The following INVS variants were observed in gnomAD, a reference collection of about 807,000 sequenced individuals.
INVS encodes the protein inversin.
In INVS, 86 loss-of-function variants were observed where a neutral mutation model predicts 108.8. The observed-to-expected ratio is 0.79, with a 90% CI of 0.66 to 0.95. The LOEUF is 0.95. INVS is among the 40% of genes least tolerant of loss of function. The pLI is 0.00. For synonymous variants in INVS, 455 were observed against 473.5 expected (o/e 0.96, Z 0.51); for missense variants, 1,169 against 1,297.4 (o/e 0.90, Z 1.52).
chr9:100,282,257 C>T (rs1276988936), intron 12 of INVS, among the ~76,000 whole-genome samples: 1 of 152,146 alleles, frequency 6.6e-6, no homozygotes, highest in African/African-American at 2.4e-5. Context: ...TGCTTGCATC[C>T]GTATGAATCT....
In INVS at chr9:100,286,316, G is replaced by T. The variant is rs777270764; in HGVS notation, c.2068+1713G>T. Among the ~76,000 whole-genome samples the T allele has an allele frequency of 2.0e-5, 3 of 152,168 alleles. No homozygotes were observed. In the East Asian group the frequency reaches 5.8e-4, roughly 29 times the overall value. On this transcript the variant is annotated intron_variant, in intron 13 of 16. Transcript: ENST00000262457. ...CACCTATAATCCCAACACTTTGGGA[G>T]GCTGGGGCAGGTGGATTACTTGAGG...
intron 10 of INVS, among the ~76,000 whole-genome samples, chr9:100,262,638 T>TAA (rs58650063): frequency 5.3e-4 from 62 of 116,478 alleles, no homozygotes; most frequent in African/African-American, 1.7e-3. Flanking sequence ...CCTGGAGCAC[T>TAA]AAAAAAAAAA....
intron 3 of INVS, among the ~76,000 whole-genome samples, chr9:100,138,389 A>G (rs1828304414): frequency 6.6e-6 from 1 of 152,070 alleles, no homozygotes. Flanking sequence ...TAGGGTGACA[A>G]GAGCGAAATT....
At chr9:100,270,409 G>A (rs1438072534) in intron 11 of INVS, among the ~76,000 whole-genome samples, 3 of 151,994 alleles carry the variant, frequency 2.0e-5, no homozygotes, top group Admixed American at 6.6e-5. Flanking sequence ...TCAGGAGTTC[G>A]AGACCAGCCT....
At chr9:100,261,425 C>G (rs1832619103) in intron 10 of INVS, among the ~76,000 whole-genome samples, 1 of 151,980 alleles carries the variant, frequency 6.6e-6, no homozygotes, top group South Asian at 2.1e-4. Flanking sequence ...GCCACCATGC[C>G]TAGCTAATTT....
chr9:100,296,944 C>A lies in INVS; in HGVS notation c.2814C>A (p.His938Gln). Residue 938 changes from histidine (H) to glutamine (Q), a missense_variant, in exon 15 of 17, where the codon CAC (histidine) becomes CAA (glutamine). His to Gln is a conservative substitution (Grantham distance 24, BLOSUM62 0). Transcript: ENST00000262457. ...RSYQLRKHLS[H>Q]LRHMKQLGAG... ...ACCAGCTCAGGAAGCACCTGTCCCACCTTCGGCATATGAAGCAGCTTGGAG... is the reference window on the plus strand; with the variant it reads ...ACCAGCTCAGGAAGCACCTGTCCCAACTTCGGCATATGAAGCAGCTTGGAG... The A allele has an allele frequency of 6.2e-7, 1 of 1,614,104 alleles. No homozygotes were observed. Among genetic ancestry groups the A allele is most frequent in the South Asian group, 1.1e-5 (1 of 91,076 alleles).
At chr9:100,150,799 A>C (rs1209184753) in intron 3 of INVS, among the ~76,000 whole-genome samples, 3 of 152,136 alleles carry the variant, frequency 2.0e-5, no homozygotes, top group Non-Finnish European at 4.4e-5. Context: ...GACCAATCAT[A>C]GGACCAATAA....
intron 2 of INVS, among the ~76,000 whole-genome samples, chr9:100,125,844 C>G (rs1564123362): frequency 6.6e-6 from 1 of 152,050 alleles, no homozygotes; most frequent in South Asian, 2.1e-4. Flanking sequence ...CGCCACCACG[C>G]CTGGCTAATT....
At chr9:100,222,942 T>C (rs993995007) in intron 3 of INVS, among the ~76,000 whole-genome samples, 8 of 151,888 alleles carry the variant, frequency 5.3e-5, no homozygotes, top group African/African-American at 1.9e-4. Context: ...CAAGTCCAGA[T>C]AAATGATGTA....
chr9:100,228,021 C>T (rs1441765671), intron 4 of INVS, among the ~76,000 whole-genome samples: 1 of 143,216 alleles, frequency 7.0e-6, no homozygotes, highest in Non-Finnish European at 1.5e-5. Context: ...GACAGAGTCT[C>T]ACTCTATCAC....
At chr9:100,110,488 G>T (rs1827308721) in intron 2 of INVS, among the ~76,000 whole-genome samples, 3 of 152,274 alleles carry the variant, frequency 2.0e-5, no homozygotes, top group African/African-American at 4.8e-5. Context: ...AAATAGGAAT[G>T]AGAAAGATAA....
intron 3 of INVS, among the ~76,000 whole-genome samples, chr9:100,181,907 C>T (rs975244537): frequency 1.3e-5 from 2 of 152,040 alleles, no homozygotes; most frequent in African/African-American, 4.8e-5. Context: ...GATTCTGGTA[C>T]CAAAACAGAG....
At chr9:100,101,469 AC>A (rs1826989715) in intron 1 of INVS, 1 of 152,100 alleles carries the variant, frequency 6.6e-6, no homozygotes. Flanking sequence ...AGTTCTTCTG[AC>A]ATGACTGTTA....
chr9:100,193,519 A>G (rs767454075), intron 3 of INVS, among the ~76,000 whole-genome samples: 3 of 152,122 alleles, frequency 2.0e-5, no homozygotes, highest in Non-Finnish European at 2.9e-5. Flanking sequence ...GTGTAATTTG[A>G]TAAGTTGTAC....
chr9:100,220,420 AT>A (rs1008037626), intron 3 of INVS, among the ~76,000 whole-genome samples: 55 of 152,294 alleles, frequency 3.6e-4, no homozygotes, highest in African/African-American at 1.2e-3. Context: ...TGTTTCAGAG[AT>A]ATTGGGAAAT....
intron 3 of INVS, among the ~76,000 whole-genome samples, chr9:100,184,655 T>C (rs2119083980): frequency 6.6e-6 from 1 of 152,292 alleles, no homozygotes. Flanking sequence ...TTTTGCTACA[T>C]TGGGAAGACA....
At chr9:100,163,052 G>C (rs1260573230) in intron 3 of INVS, among the ~76,000 whole-genome samples, 1 of 152,118 alleles carries the variant, frequency 6.6e-6, no homozygotes, top group African/African-American at 2.4e-5. Context: ...ATGGCCATAG[G>C]CTGTAGGTCA....
At chr9:100,258,095 C>A (rs1014762155) in intron 10 of INVS, among the ~76,000 whole-genome samples, 1 of 152,140 alleles carries the variant, frequency 6.6e-6, no homozygotes, top group Non-Finnish European at 1.5e-5. Flanking sequence ...TTCTTGGAGG[C>A]TTTGTTCATT....
chr9:100,201,502 TC>T (rs746674742), intron 3 of INVS, among the ~76,000 whole-genome samples: 46 of 152,220 alleles, frequency 3.0e-4, no homozygotes, highest in Middle Eastern at 3.4e-3. Context: ...ACCACTTAGG[TC>T]AAGTTTTGAG....
Sources: allele counts gnomAD v4.1 joint callset (sites outside exome capture counted in the v4.1 genomes callset), GRCh38; gene constraint gnomAD v4.1.1; transcripts MANE v1.5; gene names NCBI Gene and HGNC (gene_info 2026-07-23, HGNC 2026-07-21).